The following BTBD9 variants were observed in gnomAD, a reference collection of about 807,000 sequenced individuals.
The protein encoded by BTBD9 is BTB/POZ domain-containing protein 9.
A neutral mutation model predicts 64.3 loss-of-function variants in BTBD9; 49 were observed. The ratio of observed to expected loss-of-function variants is 0.76; its 90% CI spans 0.61 to 0.97. The LOEUF (loss-of-function observed/expected upper bound fraction) is 0.97, where lower values mean the gene tolerates loss of function less well. Among genes scored for constraint, BTBD9 ranks in the 50% least tolerant of loss-of-function variants. The pLI, the probability that BTBD9 is intolerant of heterozygous loss-of-function variation, is 0.00. For missense variants in BTBD9, 598 were observed against 762.1 expected, an observed-to-expected ratio of 0.78 and a Z score of 2.53; for synonymous variants, 260 against 274.7, an observed-to-expected ratio of 0.95 and a Z score of 0.53.
chr6:38,518,031 G>A (rs1474236917), intron 6 of BTBD9, among the ~76,000 whole-genome samples: 1 of 152,106 alleles, frequency 6.6e-6, no homozygotes, highest in Non-Finnish European at 1.5e-5. Flanking sequence ...GTCAAAGAAT[G>A]ACAAATATTA....
chr6:38,397,868 A>C (rs1054684547), intron 6 of BTBD9, among the ~76,000 whole-genome samples: 6 of 152,368 alleles, frequency 3.9e-5, no homozygotes, highest in Non-Finnish European at 8.8e-5. Flanking sequence ...GGACAAACAA[A>C]GCATTCTTGT....
intron 10 of BTBD9, among the ~76,000 whole-genome samples, chr6:38,191,460 C>G (rs544449312): frequency 5.9e-5 from 9 of 152,318 alleles, no homozygotes; most frequent in Non-Finnish European, 1.0e-4. Context: ...GTCTCTCTCT[C>G]AAGCTGTCAC....
intron 1 of BTBD9, among the ~76,000 whole-genome samples, chr6:38,618,539 G>T (rs1777872720): frequency 6.6e-6 from 1 of 152,084 alleles, no homozygotes; most frequent in African/African-American, 2.4e-5. Flanking sequence ...ACCCAGAAAG[G>T]CAAAGAAACA....
intron 6 of BTBD9, among the ~76,000 whole-genome samples, chr6:38,382,172 C>T (rs1223052385): frequency 6.6e-6 from 1 of 152,152 alleles, no homozygotes; most frequent in African/African-American, 2.4e-5. Flanking sequence ...AAATTGCCCA[C>T]CTACTATCTC....
In BTBD9 at chr6:38,345,076, C is replaced by A; in HGVS notation, c.1172G>T (p.Gly391Val). ...ARVCRYIRIV[G>V]THNTVNKIFH... is the part of the protein sequence containing the mutation. ...AATCTTGTTCACTGTGTTGTGAGTCCCAACAATTCGAATATACCTGACGGT... is the reference window on the plus strand; with the variant it reads ...AATCTTGTTCACTGTGTTGTGAGTCACAACAATTCGAATATACCTGACGGT... Residue 391 changes from glycine (G) to valine (V), a missense_variant, in exon 7 of 11, where the codon GGG (glycine) becomes GTG (valine). By Grantham distance (109) the Gly-to-Val change is moderately radical. Transcript: ENST00000481247. 3 of 1,603,268 alleles carry A rather than the reference C, an allele frequency of 1.9e-6. No individual in the cohort carries two copies. The highest frequency in any genetic ancestry group is 1.7e-6 in the Non-Finnish European group (2 of 1,172,806).
chr6:38,210,293 A>ATCTCTC (rs373684615), intron 9 of BTBD9, among the ~76,000 whole-genome samples: 10,654 of 150,886 alleles, frequency 0.071, 475 homozygotes, highest in Non-Finnish European at 0.099. Context: ...TTAGATAATT[A>ATCTCTC]TCTCTCTCTC....
intron 6 of BTBD9, among the ~76,000 whole-genome samples, chr6:38,542,561 A>G (rs1049672741): frequency 2.6e-5 from 4 of 152,202 alleles, no homozygotes; most frequent in African/African-American, 9.7e-5. Flanking sequence ...TCTGACCGGT[A>G]AGGCTGTTCC....
At chr6:38,371,527 G>C (rs112710564) in intron 6 of BTBD9, among the ~76,000 whole-genome samples, 9 of 152,170 alleles carry the variant, frequency 5.9e-5, no homozygotes, top group Non-Finnish European at 1.3e-4. Context: ...ACACAGCCCT[G>C]TGCAGAGGCA....
intron 6 of BTBD9, among the ~76,000 whole-genome samples, chr6:38,456,823 T>A (rs938931206): frequency 6.6e-6 from 1 of 152,202 alleles, no homozygotes; most frequent in African/African-American, 2.4e-5. Flanking sequence ...ACTTATCTTC[T>A]CAAATATCAG....
At chr6:38,358,090 T>C (rs952983509) in intron 6 of BTBD9, among the ~76,000 whole-genome samples, 2 of 151,952 alleles carry the variant, frequency 1.3e-5, no homozygotes, top group East Asian at 3.9e-4. Flanking sequence ...ATAAAATAAC[T>C]CAGCTCATCC....
chr6:38,406,367 TACTG>T (rs1252141663), intron 6 of BTBD9, among the ~76,000 whole-genome samples: 2 of 152,200 alleles, frequency 1.3e-5, no homozygotes, highest in African/African-American at 2.4e-5. Flanking sequence ...CTCCAAATTC[TACTG>T]ACTATCAGCA....
chr6:38,311,161 C>G (rs2127570655), intron 7 of BTBD9, among the ~76,000 whole-genome samples: 1 of 152,068 alleles, frequency 6.6e-6, no homozygotes, highest in South Asian at 2.1e-4. Flanking sequence ...CTATAGTCAC[C>G]TTGCTGTGCT....
At chr6:38,336,901 G>A (rs778688837) in intron 7 of BTBD9, among the ~76,000 whole-genome samples, 2 of 152,168 alleles carry the variant, frequency 1.3e-5, no homozygotes, top group Non-Finnish European at 2.9e-5. Context: ...TCTCCCCTGT[G>A]TCTAAGATAC....
intron 6 of BTBD9, among the ~76,000 whole-genome samples, chr6:38,554,324 A>G (rs554028836): frequency 5.3e-5 from 8 of 152,354 alleles, no homozygotes; most frequent in African/African-American, 1.7e-4. Context: ...ACTTATCTCA[A>G]CTATACAGTG....
chr6:38,225,410 C>A (rs913369931), intron 9 of BTBD9, among the ~76,000 whole-genome samples: 1 of 152,150 alleles, frequency 6.6e-6, no homozygotes, highest in Non-Finnish European at 1.5e-5. Context: ...AAGGTGAAGA[C>A]CAAAAGCTTC....
intron 6 of BTBD9, among the ~76,000 whole-genome samples, chr6:38,520,977 G>C (rs773532841): frequency 1.8e-4 from 28 of 151,632 alleles, no homozygotes; most frequent in Non-Finnish European, 3.4e-4. Context: ...AAAAGATATG[G>C]GTTGCTTCCT....
intron 4 of BTBD9, among the ~76,000 whole-genome samples, chr6:38,583,741 A>C (rs1350751298): frequency 1.3e-5 from 2 of 152,202 alleles, no homozygotes; most frequent in Non-Finnish European, 2.9e-5. Flanking sequence ...GGTACTTGAA[A>C]ACTTTCCTAA....
chr6:38,245,185 C>G (rs995034890), intron 9 of BTBD9, among the ~76,000 whole-genome samples: 17 of 152,170 alleles, frequency 1.1e-4, no homozygotes, highest in African/African-American at 4.1e-4. Flanking sequence ...TGCTCTGGAG[C>G]TTACCTTCTG....
rs539357076 is a variant in BTBD9, at chr6:38,225,291, T to C, written c.1562+31118A>G. On this transcript the variant is annotated intron_variant, in intron 9 of 10. Coordinates refer to ENST00000481247, the MANE Select transcript of BTBD9 (RefSeq NM_001099272.2). ...CCACATCTTGCCCAATGATGTGTCC[T>C]AGAGGCTCTGAGATTCACTTGAATG... Among the ~76,000 whole-genome samples, 4 of 152,348 alleles carry C rather than the reference T, an allele frequency of 2.6e-5. No homozygotes were observed. The South Asian group carries it at 6.2e-4, about 24-fold the overall frequency.
Sources: gnomAD v4.1 joint callset for allele counts (sites outside exome capture counted in the v4.1 genomes callset) on GRCh38, gnomAD v4.1.1 for gene constraint, MANE v1.5 for transcripts, NCBI Gene and HGNC (gene_info 2026-07-23, HGNC 2026-07-21) for gene names.